RBFOX1: variants seen among roughly 807,000 people sequenced by gnomAD.
The protein encoded by RBFOX1 is RNA binding fox-1 homolog 1, also known as RNA binding protein fox-1 homolog 1.
Under a neutral mutation model 57.7 loss-of-function variants are expected in RBFOX1, and 8 were observed. That is an observed-to-expected ratio of 0.14 (90% CI 0.08 to 0.25). The LOEUF (loss-of-function observed/expected upper bound fraction) is 0.25. Among genes scored for constraint, RBFOX1 ranks in the 10% least tolerant of loss-of-function variants. The pLI, the probability that RBFOX1 is intolerant of heterozygous loss-of-function variation, is 1.00. For synonymous variants in RBFOX1, 326 were observed against 222.4 expected, an observed-to-expected ratio of 1.47 and a Z score of -4.15; for missense variants, 611 against 548.5, an observed-to-expected ratio of 1.11 and a Z score of -1.14.
intron 3 of RBFOX1, among the ~76,000 whole-genome samples, chr16:6,716,746 T>C (rs1303872512): frequency 2.0e-5 from 3 of 152,282 alleles, no homozygotes; most frequent in South Asian, 4.1e-4. Context: ...TATCCAGTTA[T>C]ACTTGTGTTG....
intron 4 of RBFOX1, among the ~76,000 whole-genome samples, chr16:7,165,924 G>A (rs969035843): frequency 1.5e-4 from 16 of 104,810 alleles, no homozygotes; most frequent in Non-Finnish European, 2.9e-4. Flanking sequence ...GCACCCCACC[G>A]CATGCACATA....
intron 3 of RBFOX1, among the ~76,000 whole-genome samples, chr16:6,687,245 G>A (rs752237769): frequency 3.3e-5 from 5 of 152,246 alleles, no homozygotes; most frequent in Non-Finnish European, 4.4e-5. Context: ...TGACTCTGCA[G>A]AGGCACACAG....
chr16:6,488,042 C>T (rs906715047), intron 2 of RBFOX1, among the ~76,000 whole-genome samples: 4 of 152,098 alleles, frequency 2.6e-5, no homozygotes, highest in Admixed American at 6.5e-5. Flanking sequence ...GCACCATTTA[C>T]TCCACGCTTT....
intron 4 of RBFOX1, among the ~76,000 whole-genome samples, chr16:7,310,090 G>C (rs972975267): frequency 1.1e-4 from 17 of 152,204 alleles, no homozygotes; most frequent in African/African-American, 4.1e-4. Flanking sequence ...TGTCAGATAG[G>C]GTCAGCTCTC....
At chr16:5,934,224 G>C (rs7187360) in intron 4 of RBFOX1, among the ~76,000 whole-genome samples, 12,272 of 152,278 alleles carry the variant, frequency 0.081, 754 homozygotes, top group African/African-American at 0.16. Flanking sequence ...GAAAGGCCCA[G>C]ATTGGTGCAA....
intron 2 of RBFOX1, among the ~76,000 whole-genome samples, chr16:6,599,711 ACT>A (rs989869356): frequency 2.0e-5 from 3 of 151,874 alleles, no homozygotes; most frequent in Non-Finnish European, 2.9e-5. Context: ...CTTCTCCACT[ACT>A]CTGTTTCCCA....
intron 3 of RBFOX1, among the ~76,000 whole-genome samples, chr16:7,012,576 T>G (rs1213687823): frequency 6.6e-6 from 1 of 152,192 alleles, no homozygotes; most frequent in Admixed American, 6.5e-5. Flanking sequence ...TTGTACAGTG[T>G]GATTTTTAAA....
intron 4 of RBFOX1, among the ~76,000 whole-genome samples, chr16:7,076,088 C>G (rs1009081177): frequency 6.7e-6 from 1 of 149,140 alleles, no homozygotes; most frequent in South Asian, 2.1e-4. Context: ...TATTGCCAGG[C>G]TGGACTGCCA....
At chr16:7,009,573 C>G (rs909190150) in intron 3 of RBFOX1, among the ~76,000 whole-genome samples, 2 of 152,074 alleles carry the variant, frequency 1.3e-5, no homozygotes, top group African/African-American at 2.4e-5. Flanking sequence ...GAAAGTGCAG[C>G]AGTAACGATG....
intron 2 of RBFOX1, among the ~76,000 whole-genome samples, chr16:5,565,214 C>G (rs1033707361): frequency 1.3e-5 from 2 of 152,146 alleles, no homozygotes; most frequent in Non-Finnish European, 2.9e-5. Context: ...TTACCTTTTG[C>G]TAAGCTATCT....
chr16:5,692,973 G>A (rs1407076997), intron 3 of RBFOX1, among the ~76,000 whole-genome samples: 1 of 152,136 alleles, frequency 6.6e-6, no homozygotes, highest in Non-Finnish European at 1.5e-5. Flanking sequence ...GCAAACATCT[G>A]GACTCACTAC....
chr16:7,502,060 C>T (rs1193864194), intron 4 of RBFOX1, among the ~76,000 whole-genome samples: 2 of 152,116 alleles, frequency 1.3e-5, no homozygotes, highest in Non-Finnish European at 2.9e-5. Context: ...AATTTCATTT[C>T]TTCCAAGTCC....
chr16:7,692,072 C>T (rs560866363), intron 14 of RBFOX1, among the ~76,000 whole-genome samples: 11 of 152,094 alleles, frequency 7.2e-5, no homozygotes, highest in African/African-American at 1.2e-4. Flanking sequence ...AATTTTATTG[C>T]TCCTCTAACA....
In RBFOX1 at chr16:6,076,025, G is replaced by A. The variant is rs149561274; in HGVS notation, c.-127+56033G>A. ...CTTAAAACACAGCTCTTGGCCGGGC[G>A]TGGTGGCTCACGCCTGTAATGTCAG... On this transcript the variant is annotated intron_variant, in intron 1 of 15. Transcript: ENST00000550418. Among the ~76,000 whole-genome samples the A allele has an allele frequency of 3.4e-3, 514 of 152,268 alleles. 2 individuals carry two copies. Among genetic ancestry groups the A allele is most frequent in the African/African-American group, 0.012 (487 of 41,552 alleles).
intron 1 of RBFOX1, among the ~76,000 whole-genome samples, chr16:6,237,766 A>C (rs754372127): frequency 9.9e-5 from 15 of 152,084 alleles, no homozygotes; most frequent in South Asian, 6.2e-4. Flanking sequence ...TAAAATTAAA[A>C]TTAAATTAAA....
chr16:6,225,529 TC>T (rs1283804234), intron 1 of RBFOX1, among the ~76,000 whole-genome samples: 1 of 152,124 alleles, frequency 6.6e-6, no homozygotes, highest in Non-Finnish European at 1.5e-5. Flanking sequence ...GTCAATCCTT[TC>T]CCCCAGGGTT....
At chr16:7,304,045 G>A (rs1028695800) in intron 4 of RBFOX1, among the ~76,000 whole-genome samples, 3 of 151,914 alleles carry the variant, frequency 2.0e-5, no homozygotes, top group Non-Finnish European at 4.4e-5. Flanking sequence ...CCAGACGACC[G>A]CGCGAAGGGA....
chr16:6,704,624 A>C (rs370493870), intron 3 of RBFOX1: 2 of 152,572 alleles, frequency 1.3e-5, no homozygotes, highest in African/African-American at 4.8e-5. Flanking sequence ...GGGTGGGGGA[A>C]GACTGAGAGA....
chr16:5,520,234 G>A (rs536272168), intron 2 of RBFOX1, among the ~76,000 whole-genome samples: 2 of 152,290 alleles, frequency 1.3e-5, no homozygotes, highest in Admixed American at 1.3e-4. Flanking sequence ...TTTCACTTAG[G>A]ATCTTGTAGG....
Sources: gnomAD v4.1 joint callset for allele counts (sites outside exome capture counted in the v4.1 genomes callset) on GRCh38, gnomAD v4.1.1 for gene constraint, MANE v1.5 for transcripts, NCBI Gene and HGNC (gene_info 2026-07-23, HGNC 2026-07-21) for gene names.